The following COL21A1 variants were observed in gnomAD, a reference collection of about 807,000 sequenced individuals.
COL21A1 encodes collagen alpha-1(XXI) chain.
A neutral mutation model predicts 137.9 loss-of-function variants in COL21A1; 149 were observed. The ratio of observed to expected loss-of-function variants is 1.08; its 90% CI spans 0.95 to 1.24. The LOEUF (loss-of-function observed/expected upper bound fraction) is 1.24, where lower values mean the gene tolerates loss of function less well. Among genes scored for constraint, COL21A1 ranks in the 50% most tolerant of loss-of-function variants. The probability of loss-of-function intolerance (pLI) is 0.00; values close to 1 mark genes in which losing one functional copy is unlikely to be tolerated. For synonymous variants in COL21A1, 456 were observed against 391.5 expected (o/e 1.16, Z -1.95); for missense variants, 1,167 against 1,158.4 (o/e 1.01, Z -0.11).
At chr6:56,245,694 A>G (rs1358436207) in intron 1 of COL21A1, among the ~76,000 whole-genome samples, 1 of 152,192 alleles carries the variant, frequency 6.6e-6, no homozygotes, top group Non-Finnish European at 1.5e-5. Context: ...AAGCTATGCA[A>G]CTATCCAAGA....
intron 24 of COL21A1, among the ~76,000 whole-genome samples, chr6:56,062,071 G>A (rs1264333051): frequency 6.6e-6 from 1 of 152,032 alleles, no homozygotes; most frequent in East Asian, 1.9e-4. Flanking sequence ...GATGACTAGT[G>A]TATTTTCCCA....
At chr6:56,295,642 A>G (rs1285446380) in intron 1 of COL21A1, among the ~76,000 whole-genome samples, 2 of 151,904 alleles carry the variant, frequency 1.3e-5, no homozygotes, top group Admixed American at 6.6e-5. Flanking sequence ...TTTTCCTCAC[A>G]TAGATTTTGG....
chr6:56,383,233 C>T (rs768020520), intron 1 of COL21A1, among the ~76,000 whole-genome samples: 40 of 152,132 alleles, frequency 2.6e-4, no homozygotes, highest in Non-Finnish European at 5.6e-4. Context: ...TGGATCCTCA[C>T]GTGGCAGACA....
intron 1 of COL21A1, among the ~76,000 whole-genome samples, chr6:56,193,424 A>G (rs145079160): frequency 6.2e-4 from 94 of 152,364 alleles, no homozygotes; most frequent in Admixed American, 3.9e-3. Flanking sequence ...ATTTAATAAC[A>G]GAAGCCAGAC....
At chr6:56,306,084 T>G (rs2152338467) in intron 1 of COL21A1, among the ~76,000 whole-genome samples, 1 of 65,818 alleles carries the variant, frequency 1.5e-5, no homozygotes, top group East Asian at 4.7e-4. Context: ...CTTGTAGAGT[T>G]TCTGCCAAGA....
At chr6:56,366,667 C>T (rs1235945711) in intron 1 of COL21A1, among the ~76,000 whole-genome samples, 2 of 152,152 alleles carry the variant, frequency 1.3e-5, no homozygotes, top group African/African-American at 4.8e-5. Context: ...GTGGCAGGAG[C>T]AATTAGGTTG....
intron 1 of COL21A1, among the ~76,000 whole-genome samples, chr6:56,204,579 T>C (rs1444839491): frequency 3.3e-5 from 5 of 152,112 alleles, no homozygotes; most frequent in Admixed American, 3.3e-4. Flanking sequence ...ACATCCCTAC[T>C]TGACAGCTCT....
chr6:56,204,704 G>C (rs1199123691), intron 1 of COL21A1, among the ~76,000 whole-genome samples: 2 of 152,182 alleles, frequency 1.3e-5, no homozygotes, highest in Non-Finnish European at 2.9e-5. Flanking sequence ...TCCAGTAGGG[G>C]CTGACAGACA....
intron 1 of COL21A1, among the ~76,000 whole-genome samples, chr6:56,328,135 T>C (rs1765138130): frequency 6.6e-6 from 1 of 152,080 alleles, no homozygotes; most frequent in Non-Finnish European, 1.5e-5. Context: ...GATCCTTAAT[T>C]ATGTGAGTCA....
chr6:56,306,387 T>A (rs1393631963), intron 1 of COL21A1, among the ~76,000 whole-genome samples: 1 of 152,056 alleles, frequency 6.6e-6, no homozygotes, highest in Non-Finnish European at 1.5e-5. Flanking sequence ...ATAGATTTGG[T>A]CTTTTCACAT....
chr6:56,230,462 C>T lies in COL21A1; in HGVS notation c.-39+16925G>A, dbSNP rs1420350092. Among the ~76,000 whole-genome samples the T allele has an allele frequency of 2.0e-5, 3 of 151,654 alleles. No individual in the cohort carries two copies. The East Asian group carries it at 5.8e-4, about 29-fold the overall frequency. On this transcript the variant is annotated intron_variant, in intron 1 of 29. Transcript: ENST00000244728. ...AAAGTTTTTCTTAATTCCGTACAGC[C>T]TCATTTTATTTTTTTAAGGAAAAGA...
intron 10 of COL21A1, among the ~76,000 whole-genome samples, chr6:56,151,624 A>C (rs529068472): frequency 2.0e-5 from 3 of 152,350 alleles, no homozygotes; most frequent in African/African-American, 7.2e-5. Flanking sequence ...TTTCCTATTT[A>C]AAGTTTCAGT....
intron 1 of COL21A1, among the ~76,000 whole-genome samples, chr6:56,241,758 G>A (rs545758943): frequency 1.3e-5 from 2 of 152,240 alleles, no homozygotes; most frequent in African/African-American, 2.4e-5. Flanking sequence ...TATGTCAAAC[G>A]ACAATCAAAA....
At chr6:56,310,395 G>C (rs1180198535) in intron 1 of COL21A1, among the ~76,000 whole-genome samples, 2 of 152,144 alleles carry the variant, frequency 1.3e-5, no homozygotes, top group Non-Finnish European at 2.9e-5. Context: ...AATCAGTTGA[G>C]TTGGAATCTC....
chr6:56,366,505 T>G (rs1009633007), intron 1 of COL21A1, among the ~76,000 whole-genome samples: 1 of 152,146 alleles, frequency 6.6e-6, no homozygotes, highest in African/African-American at 2.4e-5. Flanking sequence ...AAAATCCCAA[T>G]GTACAACTAA....
At chr6:56,148,960 G>A (rs1197345307) in intron 10 of COL21A1, among the ~76,000 whole-genome samples, 1 of 152,204 alleles carries the variant, frequency 6.6e-6, no homozygotes, top group Non-Finnish European at 1.5e-5. Context: ...CACTCCAGAA[G>A]CAGGGCTGTC....
chr6:56,385,507 C>G (rs1278594928), intron 1 of COL21A1, among the ~76,000 whole-genome samples: 1 of 152,126 alleles, frequency 6.6e-6, no homozygotes, highest in African/African-American at 2.4e-5. Context: ...TTGTATCACT[C>G]TGACTCTTTT....
At chr6:56,265,772 T>C (rs1763377214) in intron 1 of COL21A1, among the ~76,000 whole-genome samples, 1 of 152,162 alleles carries the variant, frequency 6.6e-6, no homozygotes. Context: ...GATTTAACAC[T>C]ACTTGTTGAC....
At chr6:56,269,039 T>C (rs1442109857) in intron 1 of COL21A1, among the ~76,000 whole-genome samples, 1 of 152,164 alleles carries the variant, frequency 6.6e-6, no homozygotes, top group African/African-American at 2.4e-5. Flanking sequence ...AAAGACCAGT[T>C]CTTCAAATCA....
Sources: gnomAD v4.1 joint callset for allele counts (sites outside exome capture counted in the v4.1 genomes callset) on GRCh38, gnomAD v4.1.1 for gene constraint, MANE v1.5 for transcripts, NCBI Gene and HGNC (gene_info 2026-07-23, HGNC 2026-07-21) for gene names.